SAXO1: variants seen among roughly 807,000 people sequenced by gnomAD.
SAXO1 encodes the protein 4930500O09Rik.
SAXO1 carries 21 observed loss-of-function variants against 17.5 expected under a neutral mutation model. That is an observed-to-expected ratio of 1.20 (90% confidence interval 0.85 to 1.72). The LOEUF (loss-of-function observed/expected upper bound fraction) is 1.72. Among genes scored for constraint, SAXO1 ranks in the 40% most tolerant of loss-of-function variants. The pLI, the probability that SAXO1 is intolerant of heterozygous loss-of-function variation, is 0.00. For missense variants in SAXO1, 843 were observed against 596.0 expected, an observed-to-expected ratio of 1.41 and a Z score of -4.32; for synonymous variants, 274 against 216.5, an observed-to-expected ratio of 1.27 and a Z score of -2.33.
chr9:18,929,396 T>C (rs1305548550), intron 3 of SAXO1, among the ~76,000 whole-genome samples: 7 of 152,208 alleles, frequency 4.6e-5, no homozygotes, highest in Admixed American at 4.6e-4. Flanking sequence ...CTTTCTTCTG[T>C]GGAGAAGGTA....
At chr9:19,002,749 T>C (rs181929128) in intron 1 of SAXO1, among the ~76,000 whole-genome samples, 3 of 152,258 alleles carry the variant, frequency 2.0e-5, no homozygotes, top group African/African-American at 4.8e-5. Context: ...TATCTCAAAA[T>C]AGTAAGAGCT....
chr9:19,007,118 G>A lies in SAXO1; in HGVS notation c.38+25753C>T, dbSNP rs574529548. ...AATCCCAGCACTTTGGGAGGCCGAG[G>A]CGGGTGGATCATGAGGTCAAGAGAT... is the stretch of plus-strand genomic sequence containing the variant. On this transcript the variant is annotated intron_variant, in intron 1 of 3. Coordinates refer to ENST00000380534, the MANE Select transcript of SAXO1 (RefSeq NM_153707.4). 9.5e-4 allele frequency among the ~76,000 whole-genome samples: 145 copies of A among 151,972 alleles called. 1 individual carries two copies. Among genetic ancestry groups the A allele is most frequent in the African/African-American group, 3.4e-3 (139 of 41,456 alleles).
intron 1 of SAXO1, among the ~76,000 whole-genome samples, chr9:19,025,061 AG>A (rs1227528315): frequency 6.6e-6 from 1 of 152,242 alleles, no homozygotes; most frequent in Non-Finnish European, 1.5e-5. Context: ...ATAAGATGAA[AG>A]GTATTTATGA....
intron 1 of SAXO1, among the ~76,000 whole-genome samples, chr9:19,028,322 G>A (rs569837106): frequency 6.6e-6 from 1 of 152,326 alleles, no homozygotes; most frequent in South Asian, 2.1e-4. Context: ...GTTGCAATAA[G>A]CCAAGATCGC....
intron 1 of SAXO1, among the ~76,000 whole-genome samples, chr9:18,954,394 T>C (rs1415729176): frequency 6.6e-6 from 1 of 151,948 alleles, no homozygotes; most frequent in Non-Finnish European, 1.5e-5. Flanking sequence ...TGGAGGGCAG[T>C]GGTGCCATCA....
intron 1 of SAXO1, among the ~76,000 whole-genome samples, chr9:19,005,535 G>A (rs1011026476): frequency 1.3e-5 from 2 of 152,166 alleles, no homozygotes; most frequent in African/African-American, 2.4e-5. Context: ...GGGAAGGACA[G>A]CCTTTTTTAA....
At chr9:18,997,417 G>C (rs1834052929) in intron 1 of SAXO1, among the ~76,000 whole-genome samples, 1 of 152,260 alleles carries the variant, frequency 6.6e-6, no homozygotes. Context: ...GCTGAGGCTT[G>C]AGTAGGTAGT....
At chr9:19,009,202 G>C (rs890549294) in intron 1 of SAXO1, among the ~76,000 whole-genome samples, 1 of 151,454 alleles carries the variant, frequency 6.6e-6, no homozygotes, top group East Asian at 1.9e-4. Context: ...TGTATTTTTA[G>C]AGTAAAAAAA....
At chr9:19,020,069 G>A (rs189295579) in intron 1 of SAXO1, among the ~76,000 whole-genome samples, 1 of 150,192 alleles carries the variant, frequency 6.7e-6, no homozygotes, top group African/African-American at 2.5e-5. Context: ...CTTCAGTTGT[G>A]GTCTGACAAA....
intron 1 of SAXO1, among the ~76,000 whole-genome samples, chr9:19,000,484 C>T (rs1051846288): frequency 1.3e-4 from 19 of 151,930 alleles, no homozygotes; most frequent in Non-Finnish European, 2.4e-4. Flanking sequence ...TGCCTCTGCC[C>T]GCCCACTGCC....
intron 1 of SAXO1, among the ~76,000 whole-genome samples, chr9:18,966,270 A>T (rs1305984560): frequency 2.0e-5 from 3 of 152,040 alleles, no homozygotes; most frequent in African/African-American, 7.3e-5. Flanking sequence ...TATTTCCTGA[A>T]TTTGAATGTT....
At chr9:18,996,724 G>A (rs112261428) in intron 1 of SAXO1, among the ~76,000 whole-genome samples, 1 of 152,104 alleles carries the variant, frequency 6.6e-6, no homozygotes, top group Non-Finnish European at 1.5e-5. Flanking sequence ...AAAACTCACA[G>A]TGAACATCAT....
intron 1 of SAXO1, among the ~76,000 whole-genome samples, chr9:19,028,737 C>T (rs895738513): frequency 1.3e-5 from 2 of 151,776 alleles, no homozygotes; most frequent in African/African-American, 2.4e-5. Flanking sequence ...TTGAGCTTGA[C>T]GCAGTAAAAT....
At chr9:19,009,659 T>A (rs1264636946) in intron 1 of SAXO1, among the ~76,000 whole-genome samples, 1 of 152,118 alleles carries the variant, frequency 6.6e-6, no homozygotes, top group Non-Finnish European at 1.5e-5. Context: ...GTGGTGTTAT[T>A]CCCCAAGTGG....
At chr9:19,046,252 G>A (rs941039480) in intron 1 of SAXO1, among the ~76,000 whole-genome samples, 31 of 151,878 alleles carry the variant, frequency 2.0e-4, no homozygotes, top group African/African-American at 6.5e-4. Flanking sequence ...TTTTTAAAAA[G>A]AACAATTAGA....
chr9:19,044,500 G>A (rs905304022), intron 1 of SAXO1, among the ~76,000 whole-genome samples: 1 of 152,174 alleles, frequency 6.6e-6, no homozygotes, highest in Non-Finnish European at 1.5e-5. Flanking sequence ...TGGGGTAAGA[G>A]ATCATAAAAT....
At chr9:18,930,026 A>T (rs955416646) in intron 3 of SAXO1, among the ~76,000 whole-genome samples, 1 of 152,234 alleles carries the variant, frequency 6.6e-6, no homozygotes, top group Non-Finnish European at 1.5e-5. Context: ...AGGAGCTAAG[A>T]AACTTGCCCA....
chr9:18,960,021 G>A (rs753660847), intron 1 of SAXO1, among the ~76,000 whole-genome samples: 3 of 152,184 alleles, frequency 2.0e-5, no homozygotes, highest in Non-Finnish European at 2.9e-5. Context: ...TGGGCACGAG[G>A]GATGCCAGCA....
chr9:19,020,083 A>G (rs993337239), intron 1 of SAXO1, among the ~76,000 whole-genome samples: 3 of 152,068 alleles, frequency 2.0e-5, no homozygotes, highest in Non-Finnish European at 2.9e-5. Context: ...TGACAAAGCA[A>G]AAGTCCAATG....
Sources: allele counts gnomAD v4.1 joint callset (sites outside exome capture counted in the v4.1 genomes callset), GRCh38; gene constraint gnomAD v4.1.1; transcripts MANE v1.5; gene names NCBI Gene and HGNC (gene_info 2026-07-23, HGNC 2026-07-21).